Variants in ZBTB24 observed in about 807,000 individuals in gnomAD.
The protein encoded by ZBTB24 is zinc finger and BTB domain-containing protein 24.
Under a neutral mutation model 53.8 loss-of-function variants are expected in ZBTB24, and 32 were observed. The observed-to-expected ratio is 0.60, with a 90% CI of 0.45 to 0.80. The LOEUF (loss-of-function observed/expected upper bound fraction) is 0.80, where lower values mean the gene tolerates loss of function less well. ZBTB24 is among the 30% of genes least tolerant of loss of function. The pLI is 0.00. For synonymous variants in ZBTB24, 297 were observed against 306.7 expected (o/e 0.97, Z 0.33); for missense variants, 722 against 837.1 (o/e 0.86, Z 1.70).
At chr6:109,474,085 CAA>C (rs56295486) in intron 5 of ZBTB24, among the ~76,000 whole-genome samples, 9,974 of 103,480 alleles carry the variant, frequency 0.096, 910 homozygotes, top group African/African-American at 0.27. Flanking sequence ...ACAGTGACTC[CAA>C]AAAAAAAAAA....
At chr6:109,469,511 G>C (rs955792733) in intron 5 of ZBTB24, among the ~76,000 whole-genome samples, 3 of 151,956 alleles carry the variant, frequency 2.0e-5, no homozygotes, top group African/African-American at 7.3e-5. Context: ...CCCTAGCCAA[G>C]GTCAATCTGC....
intron 2 of ZBTB24, among the ~76,000 whole-genome samples, 176 bp from the exon 3 acceptor site, chr6:109,477,106 G>A (rs537014268): frequency 4.6e-5 from 7 of 152,152 alleles, no homozygotes; most frequent in Non-Finnish European, 1.0e-4. Context: ...TGAATCTGAA[G>A]CCAGCAGTGA....
intron 4 of ZBTB24, 28 bp downstream of exon 4, chr6:109,476,147 C>G (rs375391703): frequency 3.4e-5 from 55 of 1,608,752 alleles, no homozygotes; most frequent in Non-Finnish European, 4.4e-5. Flanking sequence ...TCTTCCCCCC[C>G]AATCTAAATG....
chr6:109,476,152 TA>T (rs1348521394), intron 4 of ZBTB24, 22 bp downstream of exon 4: 1 of 1,612,062 alleles, frequency 6.2e-7, no homozygotes, highest in African/African-American at 1.3e-5. Flanking sequence ...CCCCCCAATC[TA>T]AATGTTCTCA....
chr6:109,482,557 A>G (rs1049857176), intron 1 of ZBTB24, among the ~76,000 whole-genome samples: 2 of 151,496 alleles, frequency 1.3e-5, no homozygotes, highest in Non-Finnish European at 2.9e-5. Context: ...CAGTGGCGCA[A>G]TCTCGGCTCA....
intron 2 of ZBTB24, among the ~76,000 whole-genome samples, chr6:109,478,123 C>T (rs1020670836): frequency 6.6e-6 from 1 of 152,068 alleles, no homozygotes; most frequent in Non-Finnish European, 1.5e-5. Context: ...TAGGATTAAA[C>T]AAGTTTTACT....
intron 2 of ZBTB24, 179 bp downstream of exon 2, chr6:109,480,896 G>A (rs1776390956): frequency 1.4e-6 from 2 of 1,390,882 alleles, no homozygotes; most frequent in Middle Eastern, 2.2e-4. Flanking sequence ...ATCATACAAT[G>A]TATAATGAGG....
Position 109,465,728 on chromosome 6 carries a change from T to A in ZBTB24, c.*123A>T. The A allele has an allele frequency of 6.2e-7, 1 of 1,609,782 alleles. No individual in the cohort carries two copies. The highest frequency in any genetic ancestry group is 8.5e-7 in the Non-Finnish European group (1 of 1,179,724). On this transcript the variant is annotated 3_prime_UTR_variant, in exon 7 of 7. Coordinates refer to ENST00000230122, the MANE Select transcript of ZBTB24 (RefSeq NM_014797.3). ...GGGCATTATAAACATCAGTTAGCCA[T>A]CACAGCTCTCACAGAAGCATCTGCA...
At position 109,465,992 on chromosome 6, in the gene ZBTB24, A is replaced by T. The variant is rs768190156; in HGVS notation, c.1953T>A (p.His651Gln). ...AATGGAGCTCCTCTGTTTGCTCTTGATGGGCATGAAGATGTTCCAGTGTTT... is the reference window on the plus strand; with the variant it reads ...AATGGAGCTCCTCTGTTTGCTCTTGTTGGGCATGAAGATGTTCCAGTGTTT... ...SKETLEHLHA[H>Q]QEQTEELHLA... is the part of the protein sequence containing the mutation. The change falls in exon 7 of 7, where the codon CAT becomes CAA. Residue 651 changes from histidine to glutamine, a missense_variant. Coordinates refer to ENST00000230122, the MANE Select transcript of ZBTB24 (RefSeq NM_014797.3). 1.2e-6 allele frequency: 2 copies of T among 1,614,056 alleles called. No individual in the cohort carries two copies. The highest frequency in any genetic ancestry group is 1.7e-5 in the Admixed American group (1 of 60,000).
At chr6:109,479,418 C>T (rs1443228085) in intron 2 of ZBTB24, among the ~76,000 whole-genome samples, 1 of 152,218 alleles carries the variant, frequency 6.6e-6, no homozygotes, top group Non-Finnish European at 1.5e-5. Flanking sequence ...CTGAATATTA[C>T]TAGACCGGGA....
chr6:109,469,563 T>G lies in ZBTB24; in HGVS notation c.1289-1829A>C, dbSNP rs921263219. On this transcript the variant is annotated intron_variant, in intron 5 of 6. Transcript: ENST00000230122. ...TAGTGGTTTCTGATCTGTTCCCCTG[T>G]GCACAGCTCTACCACCTTCAATGGA... Among the ~76,000 whole-genome samples, 5 of 152,208 alleles carry G rather than the reference T, an allele frequency of 3.3e-5. No homozygotes were observed. The South Asian group carries it at 1.0e-3, about 31-fold the overall frequency.
At chr6:109,473,336 T>C (rs1468829359) in intron 5 of ZBTB24, among the ~76,000 whole-genome samples, 2 of 152,038 alleles carry the variant, frequency 1.3e-5, no homozygotes, top group Non-Finnish European at 2.9e-5. Flanking sequence ...TCCCAGCACG[T>C]CTCCAGCTTG....
At chr6:109,469,300 T>TG (rs1301299961) in intron 5 of ZBTB24, among the ~76,000 whole-genome samples, 2 of 152,244 alleles carry the variant, frequency 1.3e-5, no homozygotes, top group African/African-American at 4.8e-5. Flanking sequence ...AAATTCTTGT[T>TG]GCAGTTTTCA....
chr6:109,479,915 CAAAAAAAAAAAA>C (rs200514874), intron 2 of ZBTB24, among the ~76,000 whole-genome samples: 1,115 of 41,916 alleles, frequency 0.027, 69 homozygotes, highest in East Asian at 0.24. Context: ...GAATCCATCT[CAAAAAAAAAAAA>C]AAAAAAAAAA....
At chr6:109,467,502 A>G (rs1776072797) in intron 6 of ZBTB24, 151 bp downstream of exon 6, 2 of 1,530,128 alleles carry the variant, frequency 1.3e-6, no homozygotes, top group East Asian at 4.9e-5. Flanking sequence ...TCTCAAAACA[A>G]ACAAACAAAA....
At chr6:109,475,249 C>T in intron 5 of ZBTB24, 150 bp downstream of exon 5, 3 of 955,626 alleles carry the variant, frequency 3.1e-6, no homozygotes, top group African/African-American at 1.6e-5. Context: ...TTCTGCCTTC[C>T]AACTTTTAAC....
Position 109,481,221 on chromosome 6 carries a change from A to G in ZBTB24, c.806T>C (p.Leu269Pro), listed in dbSNP as rs748755172. 25 of 1,613,984 alleles carry G rather than the reference A, an allele frequency of 1.5e-5. No individual in the cohort carries two copies. In the Admixed American group the frequency reaches 2.2e-4, roughly 14 times the overall value. Residue 269 changes from leucine (L) to proline (P), a missense_variant, in exon 2 of 7, where the codon CTT becomes CCT. Leu to Pro is a moderately conservative substitution (Grantham distance 98). Transcript: ENST00000230122. ...ACCATGGTCCTCTTGATCCCCAACA[A>G]GTTTGTAATCTTTAAGTTTGACGGA... ...WRSVKLKDYK[L>P]VGDQEDHGSA... is the part of the protein sequence containing the mutation.
In ZBTB24 at chr6:109,466,113, T is replaced by C. The variant is rs759348141; in HGVS notation, c.1832A>G (p.Gln611Arg). Residue 611 changes from glutamine (Q) to arginine (R), a missense_variant, in exon 7 of 7, where the codon CAG becomes CGG. Coordinates refer to ENST00000230122, the MANE Select transcript of ZBTB24 (RefSeq NM_014797.3). ...QLQNLILSAQ[Q>R]EQTEHIQSLN... ...GCTCTGAATGTGTTCTGTTTGCTCC[T>C]GTTGAGCTGAAAGAATTAAATTCTG... 5.6e-6 allele frequency: 9 copies of C among 1,614,272 alleles called. No individual in the cohort carries two copies. The highest frequency in any genetic ancestry group is 2.2e-5 in the South Asian group (2 of 91,088).
At chr6:109,482,660 C>G (rs924263159) in intron 1 of ZBTB24, among the ~76,000 whole-genome samples, 2 of 151,976 alleles carry the variant, frequency 1.3e-5, no homozygotes, top group Non-Finnish European at 2.9e-5. Context: ...ATTCATGGAA[C>G]GGTTCAGGGT....
Sources: allele counts gnomAD v4.1 joint callset (sites outside exome capture counted in the v4.1 genomes callset), GRCh38; gene constraint gnomAD v4.1.1; transcripts MANE v1.5; gene names NCBI Gene and HGNC (gene_info 2026-07-23, HGNC 2026-07-21).